Variants in DCP1B observed in about 807,000 individuals in gnomAD.
The protein encoded by DCP1B is decapping mRNA 1B.
Under a neutral mutation model 60.5 loss-of-function variants are expected in DCP1B, and 47 were observed. The ratio of observed to expected loss-of-function variants is 0.78; its 90% confidence interval spans 0.61 to 0.99. DCP1B has a LOEUF of 0.99. Among genes scored for constraint, DCP1B ranks in the 50% least tolerant of loss-of-function variants. DCP1B has a pLI of 0.00. For synonymous variants in DCP1B, 267 were observed against 280.3 expected, an observed-to-expected ratio of 0.95 and a Z score of 0.47; for missense variants, 725 against 756.8, an observed-to-expected ratio of 0.96 and a Z score of 0.49.
Position 1,949,080 on chromosome 12 carries a change from G to A in DCP1B, c.1773+6C>T, listed in dbSNP as rs1565759212. On this transcript the variant is annotated splice_donor_region_variant and intron_variant, in intron 8 of 8. Coordinates refer to ENST00000280665, the MANE Select transcript of DCP1B (RefSeq NM_152640.5). ...AGGTGCGAAGGGAGATGACGTGCTT[G>A]CTTACCTGAATGAGGTACAGCAGTG... 3.1e-6 allele frequency: 5 copies of A among 1,610,028 alleles called. No homozygotes were observed. Among genetic ancestry groups the A allele is most frequent in the Non-Finnish European group, 3.4e-6 (4 of 1,176,608 alleles).
chr12:1,967,603 T>C (rs2031344377), intron 4 of DCP1B, among the ~76,000 whole-genome samples: 1 of 152,252 alleles, frequency 6.6e-6, no homozygotes. Flanking sequence ...ACAATTCATA[T>C]ATATTTCACA....
rs752428539 is a variant in DCP1B, at chr12:1,953,086, G to C, written c.854C>G (p.Pro285Arg). The C allele has an allele frequency of 4.0e-5, 65 of 1,613,932 alleles. No individual in the cohort carries two copies. Among genetic ancestry groups the C allele is most frequent in the Middle Eastern group, 3.3e-4 (2 of 6,082 alleles). ...GGCTGGACAGAGCTGCTTCTCAATGGGGGGTGAGTGTCTTCTGGGTTCCTC... is the reference window on the plus strand; with the variant it reads ...GGCTGGACAGAGCTGCTTCTCAATGCGGGGTGAGTGTCTTCTGGGTTCCTC... The part of the protein sequence containing the change: ...SYEEPRRHSP[P>R]IEKQLCPAIQ... Residue 285 changes from proline to arginine, a missense_variant, in exon 7 of 9, where the codon CCC (proline) becomes CGC (arginine). Physicochemically the swap from Pro to Arg is moderately radical, Grantham distance 103. Coordinates refer to ENST00000280665, the MANE Select transcript of DCP1B (RefSeq NM_152640.5).
At position 1,952,647 on chromosome 12, in the gene DCP1B, T is replaced by C. The variant is rs758496842; in HGVS notation, c.1293A>G (p.Arg431=). 3.7e-6 allele frequency: 6 copies of C among 1,614,006 alleles called. No homozygotes were observed. The highest frequency in any genetic ancestry group is 1.3e-5 in the African/African-American group (1 of 74,902). The stretch of plus-strand genomic sequence containing the variant: ...GACTACCAGAGATGGGGAGTGTTTG[T>C]CTTGGGAGTGTGGACTGTTCTCTTC... ...AHGREQSTLP[R]QTLPISGSQT... is the part of the protein sequence containing the mutation. The change falls in exon 7 of 9, where the codon AGA becomes AGG. Residue 431 remains arginine (R), a synonymous_variant. Coordinates refer to ENST00000280665, the MANE Select transcript of DCP1B (RefSeq NM_152640.5).
chr12:1,994,935 A>C (rs535298679), intron 2 of DCP1B, among the ~76,000 whole-genome samples: 1 of 126,074 alleles, frequency 7.9e-6, no homozygotes, highest in African/African-American at 3.0e-5. Flanking sequence ...TGAGTTTTAC[A>C]TGCTTTTTGT....
chr12:1,951,082 G>A (rs1489856313), intron 7 of DCP1B, among the ~76,000 whole-genome samples: 1 of 152,122 alleles, frequency 6.6e-6, no homozygotes, highest in Non-Finnish European at 1.5e-5. Flanking sequence ...GACCAGCCAG[G>A]CCAACATCGT....
At chr12:1,994,600 T>C (rs747671732) in intron 2 of DCP1B, among the ~76,000 whole-genome samples, 2 of 152,226 alleles carry the variant, frequency 1.3e-5, no homozygotes, top group Non-Finnish European at 2.9e-5. Flanking sequence ...AGGGGTCTTC[T>C]GGAACTGTCA....
At chr12:1,990,197 G>C (rs192886727) in intron 3 of DCP1B, among the ~76,000 whole-genome samples, 1 of 152,238 alleles carries the variant, frequency 6.6e-6, no homozygotes, top group Admixed American at 6.5e-5. Context: ...AGGAATAACA[G>C]TATTTTCAAG....
chr12:1,968,352 C>CA (rs112698192), intron 3 of DCP1B, among the ~76,000 whole-genome samples: 8,257 of 90,884 alleles, frequency 0.091, 367 homozygotes, highest in African/African-American at 0.16. Flanking sequence ...AACTCTGTCT[C>CA]AAAAAAAAAA....
chr12:2,000,457 CTCT>C (rs1416507817), intron 1 of DCP1B, among the ~76,000 whole-genome samples: 1 of 149,938 alleles, frequency 6.7e-6, no homozygotes, highest in Admixed American at 6.7e-5. Flanking sequence ...AACAGAAATT[CTCT>C]TTTCTTAATT....
intron 3 of DCP1B, among the ~76,000 whole-genome samples, chr12:1,984,665 T>C (rs2037126374): frequency 6.6e-6 from 1 of 151,862 alleles, no homozygotes; most frequent in East Asian, 1.9e-4. Context: ...TACCCGTATA[T>C]TTACTATTTC....
intron 5 of DCP1B, among the ~76,000 whole-genome samples, chr12:1,956,436 G>A (rs1332770274): frequency 1.3e-5 from 2 of 152,100 alleles, no homozygotes; most frequent in South Asian, 2.1e-4. Context: ...ACACAATCTT[G>A]TCCCTCAGGA....
At position 1,971,124 on chromosome 12, in the gene DCP1B, C is replaced by G. The variant is rs1418424825; in HGVS notation, c.320-3214G>C. On this transcript the variant is annotated intron_variant, in intron 3 of 8. Transcript: ENST00000280665. This position sits in a 1 kb window ranked among gnomAD's most constrained non-coding sequence, Gnocchi z 4.2. ...TACCAGCCGCTTCCCAGCCACCTGT[C>G]TGCCAACACGGAGGTCAAGTTTAAG... 2 of 1,289,366 alleles carry G rather than the reference C, an allele frequency of 1.6e-6. No homozygotes were observed. The highest frequency in any genetic ancestry group is 4.6e-5 in the Admixed American group (2 of 43,572). 79.9% of individuals were successfully genotyped at this position (1,289,366 alleles called of 1,614,324 possible).
At chr12:1,970,339 A>C (rs922778842) in intron 3 of DCP1B, among the ~76,000 whole-genome samples, 1 of 152,238 alleles carries the variant, frequency 6.6e-6, no homozygotes, top group Non-Finnish European at 1.5e-5. Flanking sequence ...TTAAAAATTA[A>C]AATGAGATCA....
intron 3 of DCP1B, among the ~76,000 whole-genome samples, chr12:1,988,402 A>T (rs2038408302): frequency 6.6e-6 from 1 of 152,212 alleles, no homozygotes; most frequent in Non-Finnish European, 1.5e-5. Context: ...CACTGGCCAA[A>T]GCAATTAGTA....
rs1290529901 is a variant in DCP1B at position 1,952,906 on chromosome 12, C to T, written c.1034G>A (p.Gly345Asp). ...CTGAGTTCTGGAAGCATTTTGTACA[C>T]CACGAGAAGTTCCAATGTTGTGAGG... ...GSPHNIGTSR[G>D]VQNASRTQNL... The change falls in exon 7 of 9, where the codon GGT becomes GAT. Residue 345 changes from glycine to aspartate, a missense_variant. Transcript: ENST00000280665. 1.4e-5 allele frequency: 23 copies of T among 1,614,190 alleles called. No individual in the cohort carries two copies. Among genetic ancestry groups the T allele is most frequent in the Non-Finnish European group, 1.9e-5 (23 of 1,180,030 alleles).
rs1159977721 is a variant in DCP1B at position 1,953,271 on chromosome 12, G to A, written c.669C>T (p.Pro223=). 2 of 1,597,136 alleles carry A rather than the reference G, an allele frequency of 1.3e-6. No homozygotes were observed. The highest frequency in any genetic ancestry group is 2.2e-5 in the East Asian group (1 of 44,808). ...PQPNQTLDPE[P]QHLSLTALFG... is the part of the protein sequence containing the mutation. ...ACAGAGCTGTCAAGGATAAGTGTTG[G>A]GGTTCAGGGTCTAAGGTCTGGAAAA... The change falls in exon 7 of 9, where the codon CCC becomes CCT. Residue 223 remains proline (P), a synonymous_variant. Coordinates refer to ENST00000280665, the MANE Select transcript of DCP1B (RefSeq NM_152640.5).
In DCP1B at chr12:1,979,071, G is replaced by A. The variant is rs151323143; in HGVS notation, c.320-11161C>T. Among the ~76,000 whole-genome samples the A allele has an allele frequency of 3.3e-3, 499 of 152,242 alleles. 2 individuals carry two copies. Among genetic ancestry groups the A allele is most frequent in the African/African-American group, 0.011 (470 of 41,524 alleles). On this transcript the variant is annotated intron_variant, in intron 3 of 8. Transcript: ENST00000280665. ...GTCACCCAGGCTGGAGTGCAATGGCGCGATCTTGGCTCACTGCTGCAACCT... is the reference window on the plus strand; with the variant it reads ...GTCACCCAGGCTGGAGTGCAATGGCACGATCTTGGCTCACTGCTGCAACCT...
intron 2 of DCP1B, among the ~76,000 whole-genome samples, chr12:1,993,687 C>T (rs541553417): frequency 1.8e-4 from 27 of 150,700 alleles, no homozygotes; most frequent in African/African-American, 6.6e-4. Context: ...CTTAACCTAA[C>T]GTTGTAAATT....
chr12:1,975,402 T>C (rs2034013365), intron 3 of DCP1B, among the ~76,000 whole-genome samples: 1 of 152,164 alleles, frequency 6.6e-6, no homozygotes, highest in Non-Finnish European at 1.5e-5. Flanking sequence ...AACTATTTAC[T>C]AAATGATTTT....
Sources: allele counts gnomAD v4.1 joint callset (sites outside exome capture counted in the v4.1 genomes callset), GRCh38; gene constraint gnomAD v4.1.1; non-coding constraint Gnocchi (gnomAD v3.1); transcripts MANE v1.5; gene names NCBI Gene and HGNC (gene_info 2026-07-23, HGNC 2026-07-21).